BAZ1A: variants seen among roughly 807,000 people sequenced by gnomAD.
The protein encoded by BAZ1A is bromodomain adjacent to zinc finger domain 1A.
A neutral mutation model predicts 185.2 loss-of-function variants in BAZ1A; 50 were observed. The observed-to-expected ratio is 0.27, with a 90% CI of 0.22 to 0.34. The LOEUF (loss-of-function observed/expected upper bound fraction) is 0.34, where lower values mean the gene tolerates loss of function less well. BAZ1A is among the 10% of genes least tolerant of loss of function. BAZ1A has a pLI of 1.00. For synonymous variants in BAZ1A, 571 were observed against 615.6 expected, an observed-to-expected ratio of 0.93 and a Z score of 1.07; for missense variants, 1,356 against 1,839.9, an observed-to-expected ratio of 0.74 and a Z score of 4.81.
At chr14:34,768,649 A>C in intron 21 of BAZ1A, 1 of 365,212 alleles carries the variant, frequency 2.7e-6, no homozygotes, top group Admixed American at 3.8e-5. Flanking sequence ...CATTCTTTAA[A>C]AAGACAAAAC....
At chr14:34,832,283 C>T (rs1320727030) in intron 3 of BAZ1A, among the ~76,000 whole-genome samples, 1 of 148,332 alleles carries the variant, frequency 6.7e-6, no homozygotes, top group Non-Finnish European at 1.5e-5. Flanking sequence ...GATGGCTTCA[C>T]TGGGGAATTC....
At chr14:34,811,659 T>C (rs976393222) in intron 4 of BAZ1A, among the ~76,000 whole-genome samples, 9 of 152,142 alleles carry the variant, frequency 5.9e-5, no homozygotes, top group Non-Finnish European at 1.3e-4. Context: ...TTTTATAAGT[T>C]ACTGATCCCT....
At chr14:34,824,025 T>C (rs899462966) in intron 4 of BAZ1A, among the ~76,000 whole-genome samples, 2 of 151,926 alleles carry the variant, frequency 1.3e-5, no homozygotes, top group South Asian at 2.1e-4. Flanking sequence ...CCAAACCCTA[T>C]ATTTAATGGA....
intron 2 of BAZ1A, among the ~76,000 whole-genome samples, chr14:34,864,179 T>C (rs2138825946): frequency 6.6e-6 from 1 of 152,264 alleles, no homozygotes; most frequent in South Asian, 2.1e-4. Context: ...AATCTCATGC[T>C]GTTGCCCAGG....
At chr14:34,804,054 C>A (rs897653421) in intron 6 of BAZ1A, among the ~76,000 whole-genome samples, 3 of 152,158 alleles carry the variant, frequency 2.0e-5, no homozygotes, top group Non-Finnish European at 4.4e-5. Flanking sequence ...GTCATCCTGG[C>A]TGAAGTGTAG....
At position 34,874,827 on chromosome 14, in the gene BAZ1A, G is replaced by A. The variant is rs2138856401; in HGVS notation, c.-58-165C>T. On this transcript the variant is annotated intron_variant, in intron 1 of 26. Transcript: ENST00000360310. The surrounding 1 kb of genome is among the most constrained non-coding windows in gnomAD (Gnocchi z 4.7). ...TCCTGCCGCTGCCCGGGTGTCGAGC[G>A]AGCGGAGCCGCCGCCGCCCCTGCCC... 1 of 451,046 alleles carries A rather than the reference G, an allele frequency of 2.2e-6. No individual in the cohort carries two copies. The highest frequency in any genetic ancestry group is 3.1e-5 in the South Asian group (1 of 31,818). 27.9% of individuals were successfully genotyped at this position (451,046 alleles called of 1,614,324 possible). A position where few individuals can be genotyped will look rare whatever the true frequency, so the allele number is the denominator to read the frequency against.
intron 25 of BAZ1A, among the ~76,000 whole-genome samples, chr14:34,757,937 T>TG (rs1886336044): frequency 6.6e-6 from 1 of 150,604 alleles, no homozygotes; most frequent in Non-Finnish European, 1.5e-5. Flanking sequence ...TTAGTAGAGA[T>TG]GGGGTTTCAC....
At chr14:34,865,131 C>T (rs1305042489) in intron 2 of BAZ1A, among the ~76,000 whole-genome samples, 1 of 152,028 alleles carries the variant, frequency 6.6e-6, no homozygotes, top group Admixed American at 6.6e-5. Context: ...GCCTGTAATT[C>T]GAGCTACTCC....
intron 4 of BAZ1A, among the ~76,000 whole-genome samples, chr14:34,811,586 A>C (rs1032391538): frequency 6.6e-6 from 1 of 152,118 alleles, no homozygotes; most frequent in Non-Finnish European, 1.5e-5. Flanking sequence ...TTGGCGTCCC[A>C]AAGTGTTGGC....
intron 3 of BAZ1A, among the ~76,000 whole-genome samples, chr14:34,844,755 C>G (rs944764359): frequency 1.4e-5 from 2 of 144,106 alleles, no homozygotes; most frequent in Admixed American, 7.5e-5. Flanking sequence ...GTGACCCTGT[C>G]TAAACACACA....
At position 34,874,597 on chromosome 14, in the gene BAZ1A, A is replaced by C; in HGVS notation, c.8T>G (p.Leu3Arg). The change falls in exon 2 of 27, where the codon CTG becomes CGG. Residue 3 changes from leucine (L) to arginine (R), a missense_variant. This residue lies in a region of BAZ1A where 332 missense variants were observed against 395.3 expected (regional missense o/e 0.84). Transcript: ENST00000360310. This position sits in a 1 kb window ranked among gnomAD's most constrained non-coding sequence, Gnocchi z 4.7. The part of the protein sequence containing the change: MP[L>R]LHRKPFVRQK... ...TCTCACAAACGGCTTTCGGTGTAGC[A>C]GCGGCATCTCCCGTCCGCCCGCGGG... is the stretch of plus-strand genomic sequence containing the variant. The C allele has an allele frequency of 6.2e-7, 1 of 1,606,666 alleles. No individual in the cohort carries two copies. Among genetic ancestry groups the C allele is most frequent in the Non-Finnish European group, 8.5e-7 (1 of 1,176,694 alleles).
chr14:34,765,379 C>T lies in BAZ1A; in HGVS notation c.3302-111G>A, dbSNP rs560883807. 5 of 1,321,768 alleles carry T rather than the reference C, an allele frequency of 3.8e-6. 1 individual carries two copies. The South Asian group carries it at 7.4e-5, about 20-fold the overall frequency. The allele number at this position is 1,321,768 out of a possible 1,614,324, so 81.9% of individuals were successfully genotyped here. A position where few individuals can be genotyped will look rare whatever the true frequency, so the allele number is the denominator to read the frequency against. On this transcript the variant is annotated intron_variant, in intron 21 of 26. Coordinates refer to ENST00000360310, the MANE Select transcript of BAZ1A (RefSeq NM_013448.3). ...GGTTAGATTTTACATTTCTTTTCTT[C>T]TGATACTTAACAAAAAGACCATGCT...
rs35830800 is a variant in BAZ1A, at chr14:34,816,080, C to CTTTTTTTTT, written c.537-5053_537-5045dup. ...AAGCTACATACATATTATTCCAGACCTTTTTTTTTTTTTTTTTTTTTTTTT... is the reference window on the plus strand; with the variant it reads ...AAGCTACATACATATTATTCCAGACCTTTTTTTTTTTTTTTTTTTTTTTTTTTTTTTTTT... On this transcript the variant is annotated intron_variant, in intron 4 of 26. Transcript: ENST00000360310. 6.0e-4 allele frequency among the ~76,000 whole-genome samples: 48 copies of CTTTTTTTTT among 79,424 alleles called. 1 individual carries two copies. Among genetic ancestry groups the CTTTTTTTTT allele is most frequent in the Non-Finnish European group, 6.7e-4 (32 of 47,458 alleles). The allele number at this position is 79,424 out of a possible 152,430, so 52.1% of individuals were successfully genotyped here.
chr14:34,814,081 A>T (rs1373095563), intron 4 of BAZ1A, among the ~76,000 whole-genome samples: 1 of 151,856 alleles, frequency 6.6e-6, no homozygotes, highest in Non-Finnish European at 1.5e-5. Context: ...TGAAATAAAG[A>T]CAAGGAAAAA....
intron 12 of BAZ1A, chr14:34,786,501 A>C: frequency 3.4e-6 from 1 of 291,750 alleles, no homozygotes; most frequent in Non-Finnish European, 6.4e-6. Context: ...AAAAGATAAA[A>C]TGCACTTTAG....
intron 19 of BAZ1A, among the ~76,000 whole-genome samples, 192 bp from the exon 20 acceptor site, chr14:34,773,918 T>C (rs753503568): frequency 5.9e-5 from 9 of 152,358 alleles, no homozygotes; most frequent in Non-Finnish European, 7.4e-5. Flanking sequence ...AAAACCATAA[T>C]GCCTTACTTT....
intron 4 of BAZ1A, among the ~76,000 whole-genome samples, chr14:34,817,802 G>T (rs569530856): frequency 6.6e-6 from 1 of 152,156 alleles, no homozygotes; most frequent in South Asian, 2.1e-4. Flanking sequence ...TTTTACACCC[G>T]ATAAGGATGA....
At chr14:34,816,262 T>C (rs2042005288) in intron 4 of BAZ1A, among the ~76,000 whole-genome samples, 1 of 151,984 alleles carries the variant, frequency 6.6e-6, no homozygotes, top group Non-Finnish European at 1.5e-5. Flanking sequence ...TAATTTTTTG[T>C]ATTTTTAGTA....
chr14:34,842,350 T>C (rs2042428781), intron 3 of BAZ1A, among the ~76,000 whole-genome samples: 1 of 152,220 alleles, frequency 6.6e-6, no homozygotes, highest in Non-Finnish European at 1.5e-5. Context: ...CATTCTTTCA[T>C]CTGCTAGCAA....
Sources: gnomAD v4.1 joint callset for allele counts (sites outside exome capture counted in the v4.1 genomes callset) on GRCh38, gnomAD v4.1.1 for gene constraint, gnomAD v4.1.1 regional missense constraint, Gnocchi (gnomAD v3.1) non-coding constraint, MANE v1.5 for transcripts, NCBI Gene and HGNC (gene_info 2026-07-23, HGNC 2026-07-21) for gene names.